The following PRKACA variants were observed in gnomAD, a reference collection of about 807,000 sequenced individuals.
PRKACA encodes the protein cAMP-dependent protein kinase catalytic subunit alpha.
A neutral mutation model predicts 45.8 loss-of-function variants in PRKACA; 9 were observed. That is an observed-to-expected ratio of 0.20 (90% CI 0.12 to 0.34). The LOEUF is 0.34. Ranked by LOEUF, PRKACA falls within the 10% of genes least tolerant of loss-of-function variation. PRKACA has a pLI of 1.00. For synonymous variants in PRKACA, 160 were observed against 178.6 expected (o/e 0.90, Z 0.83); for missense variants, 238 against 458.6 (o/e 0.52, Z 4.39).
chr19:14,109,484 G>A (rs1160914852), intron 1 of PRKACA, among the ~76,000 whole-genome samples: 1 of 151,724 alleles, frequency 6.6e-6, no homozygotes, highest in African/African-American at 2.4e-5. Context: ...GCGTGGTGGT[G>A]ATGTGTGCCT....
intron 1 of PRKACA, chr19:14,108,250 C>A (rs935106085): frequency 1.5e-6 from 1 of 664,008 alleles, no homozygotes; most frequent in Non-Finnish European, 1.9e-6. Context: ...CTGATCTCAC[C>A]TCTCTAGGCC....
chr19:14,108,076 G>T, intron 1 of PRKACA: 5 of 985,608 alleles, frequency 5.1e-6, no homozygotes, highest in Non-Finnish European at 6.0e-6. Context: ...AACCTGCCTT[G>T]TATCCATTGT....
intron 3 of PRKACA, among the ~76,000 whole-genome samples, chr19:14,105,931 G>C (rs771275624): frequency 1.1e-4 from 16 of 152,120 alleles, no homozygotes; most frequent in Middle Eastern, 3.2e-3. Flanking sequence ...CCTCCTGTTG[G>C]GCTGGTGTCT....
Position 14,102,813 on chromosome 19 carries a change from C to G in PRKACA, c.336+3G>C, listed in dbSNP as rs1043258227. ...CCCCCGCCCTTGGCCACTGGGACCC[C>G]ACCTTGAAGGAGAACTCGAGTTTGA... On this transcript the variant is annotated splice_donor_region_variant and intron_variant, in intron 4 of 9. Transcript: ENST00000308677. 5 of 1,613,384 alleles carry G rather than the reference C, an allele frequency of 3.1e-6. No individual in the cohort carries two copies. The African/African-American group carries it at 6.7e-5, about 22-fold the overall frequency.
In PRKACA at chr19:14,092,491, T is replaced by C. The variant is rs993184551; in HGVS notation, c.*621A>G. On this transcript the variant is annotated 3_prime_UTR_variant, in exon 10 of 10. Transcript: ENST00000308677. ...TTCTCTTTAAAATGGATTTGAGGAA[T>C]GGGGGGACATGGGAGGGGTGGGAGT... 2 of 366,966 alleles carry C rather than the reference T, an allele frequency of 5.5e-6. No individual in the cohort carries two copies. Among genetic ancestry groups the C allele is most frequent in the Non-Finnish European group, 9.3e-6 (2 of 213,928 alleles). The allele number at this position is 366,966 out of a possible 1,614,324, so 22.7% of individuals were successfully genotyped here. A position where few individuals can be genotyped will look rare whatever the true frequency, so the allele number is the denominator to read the frequency against.
chr19:14,112,541 C>T (rs1002745598), intron 1 of PRKACA: 7 of 152,330 alleles, frequency 4.6e-5, no homozygotes, highest in African/African-American at 1.7e-4. Flanking sequence ...AACGCAGAGC[C>T]TCTAAGTCAG....
rs1977649283 is a variant in PRKACA at position 14,107,526 on chromosome 19, AC to A, written c.47-118del. Reference sequence around the variant, plus strand: ...GGGTGCAGTTCCAACCCAGAGCCTGACCTTTTTCTGGTGCCTCTGGGGCCTT... The same window carrying A: ...GGGTGCAGTTCCAACCCAGAGCCTGACTTTTTCTGGTGCCTCTGGGGCCTT... On this transcript the variant is annotated intron_variant, in intron 1 of 9. Transcript: ENST00000308677. The A allele has an allele frequency of 6.6e-6, 9 of 1,356,436 alleles. No homozygotes were observed. In the East Asian group the frequency reaches 2.1e-4, roughly 32 times the overall value. 84.0% of individuals were successfully genotyped at this position (1,356,436 alleles called of 1,614,324 possible).
In PRKACA at chr19:14,091,707, T is replaced by G. The variant is rs1395657481; in HGVS notation, c.*1405A>C. 1.3e-5 allele frequency: 2 copies of G among 152,370 alleles called. No individual in the cohort carries two copies. The highest frequency in any genetic ancestry group is 3.9e-4 in the East Asian group (2 of 5,192). The allele number at this position is 152,370 out of a possible 1,614,324, so 9.4% of individuals were successfully genotyped here. A position where few individuals can be genotyped will look rare whatever the true frequency, so the allele number is the denominator to read the frequency against. ...CGACACTTTTTTTTTAAACAAAACT[T>G]TATTGGTAATAGTTTTCAAATATGT... is the stretch of plus-strand genomic sequence containing the variant. On this transcript the variant is annotated 3_prime_UTR_variant, in exon 10 of 10. Coordinates refer to ENST00000308677, the MANE Select transcript of PRKACA (RefSeq NM_002730.4).
intron 1 of PRKACA, among the ~76,000 whole-genome samples, chr19:14,114,432 G>A (rs557617200): frequency 3.9e-5 from 6 of 152,120 alleles, no homozygotes; most frequent in African/African-American, 1.4e-4. Context: ...AGGCACAGAA[G>A]GTGTTTGGCC....
At position 14,092,893 on chromosome 19, in the gene PRKACA, G is replaced by C; in HGVS notation, c.*219C>G. 1.8e-6 allele frequency: 1 copy of C among 542,024 alleles called. No homozygotes were observed. The highest frequency in any genetic ancestry group is 3.4e-5 in the South Asian group (1 of 29,106). 33.6% of individuals were successfully genotyped at this position (542,024 alleles called of 1,614,324 possible). On this transcript the variant is annotated 3_prime_UTR_variant, in exon 10 of 10. Coordinates refer to ENST00000308677, the MANE Select transcript of PRKACA (RefSeq NM_002730.4). The stretch of plus-strand genomic sequence containing the variant: ...AAAGAGGAAGGGAAAAGTGGGAGAG[G>C]GGGCAGGAGGGTGAAGGGGATGAGG...
chr19:14,107,666 G>C (rs1012039325), intron 1 of PRKACA: 2 of 1,313,064 alleles, frequency 1.5e-6, no homozygotes, highest in Admixed American at 3.6e-5. Context: ...AACGGAGGGA[G>C]GTGCCCAGGC....
intron 1 of PRKACA, among the ~76,000 whole-genome samples, chr19:14,116,751 C>A (rs1599353208): frequency 6.6e-6 from 1 of 152,082 alleles, no homozygotes; most frequent in Non-Finnish European, 1.5e-5. Context: ...TGAAGCAATT[C>A]TCTACGTTCA....
Position 14,092,752 on chromosome 19 carries a change from T to C in PRKACA, c.*360A>G. On this transcript the variant is annotated 3_prime_UTR_variant, in exon 10 of 10. Transcript: ENST00000308677. The stretch of plus-strand genomic sequence containing the variant: ...GGCTGGAGTTAAGCGTGAGCCCCTC[T>C]TTCCATACCCTGTCCCTGGATACAC... The C allele has an allele frequency of 4.9e-6, 2 of 411,282 alleles. No individual in the cohort carries two copies. Among genetic ancestry groups the C allele is most frequent in the Non-Finnish European group, 8.6e-6 (2 of 232,154 alleles). The allele number at this position is 411,282 out of a possible 1,614,324, so 25.5% of individuals were successfully genotyped here. A position where few individuals can be genotyped will look rare whatever the true frequency, so the allele number is the denominator to read the frequency against.
At chr19:14,114,492 G>A (rs1446327418) in intron 1 of PRKACA, among the ~76,000 whole-genome samples, 1 of 152,012 alleles carries the variant, frequency 6.6e-6, no homozygotes, top group African/African-American at 2.4e-5. Flanking sequence ...TCCCATCTAG[G>A]GTCTTCTTGG....
intron 1 of PRKACA, among the ~76,000 whole-genome samples, chr19:14,110,791 G>A (rs985038365): frequency 1.3e-5 from 2 of 152,160 alleles, no homozygotes; most frequent in Admixed American, 1.3e-4. Flanking sequence ...GTACAGAGGA[G>A]AAGACTGATC....
At chr19:14,110,580 A>AT (rs1381450422) in intron 1 of PRKACA, among the ~76,000 whole-genome samples, 2 of 152,078 alleles carry the variant, frequency 1.3e-5, no homozygotes, top group East Asian at 3.9e-4. Flanking sequence ...TCAAAAAAAA[A>AT]AGTAATAATA....
At chr19:14,095,883 AAGAC>A (rs1977233431) in intron 8 of PRKACA, among the ~76,000 whole-genome samples, 1 of 151,446 alleles carries the variant, frequency 6.6e-6, no homozygotes, top group South Asian at 2.1e-4. Context: ...ATTTTTTTAA[AAGAC>A]AGGGTCTGGC....
chr19:14,109,916 C>T (rs1478852376), intron 1 of PRKACA, among the ~76,000 whole-genome samples: 4 of 107,656 alleles, frequency 3.7e-5, no homozygotes, highest in African/African-American at 1.1e-4. Flanking sequence ...CCAGCCTAGG[C>T]GACAGAGTGA....
chr19:14,106,431 A>G (rs1432537773), intron 3 of PRKACA, among the ~76,000 whole-genome samples: 1 of 152,180 alleles, frequency 6.6e-6, no homozygotes, highest in African/African-American at 2.4e-5. Flanking sequence ...AGGCAGGTGT[A>G]TCACCTGAGG....
Sources: allele counts gnomAD v4.1 joint callset (sites outside exome capture counted in the v4.1 genomes callset), GRCh38; gene constraint gnomAD v4.1.1; transcripts MANE v1.5; gene names NCBI Gene and HGNC (gene_info 2026-07-23, HGNC 2026-07-21).